RSPH4A: variants seen among roughly 807,000 people sequenced by gnomAD.
RSPH4A encodes the protein radial spoke head protein 4 homolog A.
RSPH4A carries 47 observed loss-of-function variants against 71.0 expected under a neutral mutation model. The ratio of observed to expected loss-of-function variants is 0.66; its 90% CI spans 0.52 to 0.84. RSPH4A has a LOEUF of 0.84. Ranked by LOEUF, RSPH4A falls within the 40% of genes least tolerant of loss-of-function variation. The pLI, the probability that RSPH4A is intolerant of heterozygous loss-of-function variation, is 0.00. For missense variants in RSPH4A, 793 were observed against 855.2 expected (o/e 0.93, Z 0.91); for synonymous variants, 282 against 302.3 (o/e 0.93, Z 0.70).
chr6:116,620,686 A>G (rs1271839760), intron 1 of RSPH4A, among the ~76,000 whole-genome samples: 1 of 152,222 alleles, frequency 6.6e-6, no homozygotes, highest in Non-Finnish European at 1.5e-5. Flanking sequence ...TGAATAAAGC[A>G]CATATATATA....
At chr6:116,630,139 TC>T (rs977133315) in intron 4 of RSPH4A, among the ~76,000 whole-genome samples, 3 of 152,198 alleles carry the variant, frequency 2.0e-5, no homozygotes, top group Admixed American at 2.0e-4. Flanking sequence ...GATGTACCTT[TC>T]ATTGGGCCAT....
Position 116,632,563 on chromosome 6 carries a change from C to A in RSPH4A, c.*122C>A. 1 of 1,234,468 alleles carries A rather than the reference C, an allele frequency of 8.1e-7. No homozygotes were observed. Among genetic ancestry groups the A allele is most frequent in the Non-Finnish European group, 1.1e-6 (1 of 900,770 alleles). 76.5% of individuals were successfully genotyped at this position (1,234,468 alleles called of 1,614,324 possible). A position where few individuals can be genotyped will look rare whatever the true frequency, so the allele number is the denominator to read the frequency against. On this transcript the variant is annotated 3_prime_UTR_variant, in exon 6 of 6. Transcript: ENST00000229554. ...CATACACATGTAAGAAATTATTCAA[C>A]TGCAAAATCTCAATCTTGAAAATCA...
intron 2 of RSPH4A, 95 bp downstream of exon 2, chr6:116,623,097 CTTGTT>C (rs3033963): frequency 2.1e-4 from 162 of 762,752 alleles, no homozygotes; most frequent in African/African-American, 7.3e-4. Context: ...TATTTTATAG[CTTGTT>C]TTGTTTTGTT....
At position 116,632,271 on chromosome 6, in the gene RSPH4A, G is replaced by A; in HGVS notation, c.1981G>A (p.Val661Ile). The A allele has an allele frequency of 6.2e-7, 1 of 1,612,814 alleles. No homozygotes were observed. The highest frequency in any genetic ancestry group is 8.5e-7 in the Non-Finnish European group (1 of 1,179,906). ...TAGTCCAGACAATTATACACCCCCAGTTCCACCACCAGTTTATCAAGAATA... is the reference window on the plus strand; with the variant it reads ...TAGTCCAGACAATTATACACCCCCAATTCCACCACCAGTTTATCAAGAATA... ...KYSPDNYTPP[V>I]PPPVYQEYPS... Residue 661 changes from valine to isoleucine, a missense_variant, in exon 6 of 6, where the codon GTT becomes ATT. By Grantham distance (29) the Val-to-Ile change is conservative. Coordinates refer to ENST00000229554, the MANE Select transcript of RSPH4A (RefSeq NM_001010892.3).
chr6:116,625,535 C>T (rs1775680201), intron 2 of RSPH4A, among the ~76,000 whole-genome samples: 1 of 150,666 alleles, frequency 6.6e-6, no homozygotes, highest in Non-Finnish European at 1.5e-5. Flanking sequence ...TAACTCTGAT[C>T]ATAATATGAA....
chr6:116,624,370 A>G (rs1024030326), intron 2 of RSPH4A, among the ~76,000 whole-genome samples: 1 of 152,252 alleles, frequency 6.6e-6, no homozygotes, highest in Non-Finnish European at 1.5e-5. Context: ...ATTCTCATAC[A>G]GGAGTTAATC....
rs752693178 is a variant in RSPH4A, at chr6:116,629,564, C to G, written c.1663-3C>G. On this transcript the variant is annotated splice_region_variant and splice_polypyrimidine_tract_variant and intron_variant, in intron 3 of 5. Coordinates refer to ENST00000229554, the MANE Select transcript of RSPH4A (RefSeq NM_001010892.3). The stretch of plus-strand genomic sequence containing the variant: ...TACTAAATCTTGCAACATTCATTCC[C>G]AGGGTCGCTGTAATTGGTTCAACTC... The G allele has an allele frequency of 6.2e-7, 1 of 1,612,610 alleles. No homozygotes were observed. Among genetic ancestry groups the G allele is most frequent in the East Asian group, 2.2e-5 (1 of 44,840 alleles).
In RSPH4A at chr6:116,628,324, A is replaced by G; in HGVS notation, c.1617A>G (p.Glu539=). Residue 539 remains glutamate, a synonymous_variant, in exon 3 of 6, where the codon GAA becomes GAG. Transcript: ENST00000229554. ...FEGIQVIDLV[E]SLSNWVHHVQ... ...GCATCCAAGTGATTGATCTAGTAGA[A>G]TCCCTATCCAATTGGGTTCATCATG... The G allele has an allele frequency of 6.2e-7, 1 of 1,612,798 alleles. No homozygotes were observed. The highest frequency in any genetic ancestry group is 8.5e-7 in the Non-Finnish European group (1 of 1,179,702).
At position 116,628,477 on chromosome 6, in the gene RSPH4A, A is replaced by C. The variant is rs1775739194; in HGVS notation, c.1662+108A>C. 5.9e-6 allele frequency: 5 copies of C among 849,316 alleles called. No homozygotes were observed. The South Asian group carries it at 7.7e-5, about 13-fold the overall frequency. 52.6% of individuals were successfully genotyped at this position (849,316 alleles called of 1,614,324 possible). ...AAATAAAGGCCTTTGGACTCTATTT[A>C]ATAGGCAGGAAAAGAGATAATTAAA... On this transcript the variant is annotated intron_variant, in intron 3 of 5. Transcript: ENST00000229554.
chr6:116,616,861 T>C lies in RSPH4A; in HGVS notation c.238T>C (p.Ser80Pro). The C allele has an allele frequency of 6.2e-7, 1 of 1,614,042 alleles. No individual in the cohort carries two copies. The highest frequency in any genetic ancestry group is 8.5e-7 in the Non-Finnish European group (1 of 1,179,998). The change falls in exon 1 of 6, where the codon TCA becomes CCA. Residue 80 changes from serine to proline, a missense_variant. Ser to Pro is a moderately conservative substitution (Grantham distance 74). Coordinates refer to ENST00000229554, the MANE Select transcript of RSPH4A (RefSeq NM_001010892.3). Reference sequence around the variant, plus strand: ...GGGTGGCCCCGCGGGACCAGAAACATCATCACCTGCTCCTGTCTCTCCGCG... The same window carrying C: ...GGGTGGCCCCGCGGGACCAGAAACACCATCACCTGCTCCTGTCTCTCCGCG... ...PLGGPAGPET[S>P]SPAPVSPREP...
Position 116,616,749 on chromosome 6 carries a change from C to T in RSPH4A, c.126C>T (p.Pro42=). The T allele has an allele frequency of 6.2e-7, 1 of 1,614,160 alleles. No homozygotes were observed. The highest frequency in any genetic ancestry group is 1.6e-4 in the Middle Eastern group (1 of 6,062). Residue 42 remains proline, a synonymous_variant, in exon 1 of 6, where the codon CCC becomes CCT. Coordinates refer to ENST00000229554, the MANE Select transcript of RSPH4A (RefSeq NM_001010892.3). The stretch of plus-strand genomic sequence containing the variant: ...ATTCTGAGCCTGAGTCGTCTGAGCC[C>T]TTGGAGGCGAAGCAGGGGCCAGAAA... The part of the protein sequence containing the change: ...PQYSEPESSE[P]LEAKQGPETG...
At chr6:116,620,239 T>C (rs188388846) in intron 1 of RSPH4A, among the ~76,000 whole-genome samples, 1 of 152,374 alleles carries the variant, frequency 6.6e-6, no homozygotes, top group East Asian at 1.9e-4. Flanking sequence ...CATAAAATTT[T>C]CTTTATTGAA....
chr6:116,630,847 A>ATTTTTTTTTTTTT (rs10694358), intron 5 of RSPH4A, among the ~76,000 whole-genome samples: 9 of 87,604 alleles, frequency 1.0e-4, no homozygotes, highest in Non-Finnish European at 1.5e-4. Flanking sequence ...TAATTTTTGT[A>ATTTTTTTTTTTTT]TTTTTTTTTT....
In RSPH4A at chr6:116,632,759, G is replaced by A. The variant is rs923020570; in HGVS notation, c.*318G>A. On this transcript the variant is annotated 3_prime_UTR_variant, in exon 6 of 6. Coordinates refer to ENST00000229554, the MANE Select transcript of RSPH4A (RefSeq NM_001010892.3). Reference sequence around the variant, plus strand: ...AAGGGCTCAGGTTTCACATGGTCCAGGTGAGGTAAAACAATTAAAATAAAT... The same window carrying A: ...AAGGGCTCAGGTTTCACATGGTCCAAGTGAGGTAAAACAATTAAAATAAAT... 1 of 270,618 alleles carries A rather than the reference G, an allele frequency of 3.7e-6. No homozygotes were observed. The highest frequency in any genetic ancestry group is 7.1e-6 in the Non-Finnish European group (1 of 139,932). 16.8% of individuals were successfully genotyped at this position (270,618 alleles called of 1,614,324 possible). A position where few individuals can be genotyped will look rare whatever the true frequency, so the allele number is the denominator to read the frequency against.
chr6:116,621,451 G>C (rs1469854399), intron 1 of RSPH4A, among the ~76,000 whole-genome samples: 1 of 152,086 alleles, frequency 6.6e-6, no homozygotes, highest in Non-Finnish European at 1.5e-5. Flanking sequence ...TTGAACAACT[G>C]TTTATTTTGT....
At position 116,627,827 on chromosome 6, in the gene RSPH4A, C is replaced by T. The variant is rs768193419; in HGVS notation, c.1120C>T (p.Arg374Cys). ...TTATATTGTAGCTGAAGTGGAATTT[C>T]GTGAGGGGGAAGATGAAGAGGAAGT... ...MNYIVAEVEF[R>C]EGEDEEEVEE... Residue 374 changes from arginine (R) to cysteine (C), a missense_variant, in exon 3 of 6, where the codon CGT becomes TGT. Coordinates refer to ENST00000229554, the MANE Select transcript of RSPH4A (RefSeq NM_001010892.3). The T allele has an allele frequency of 2.5e-5, 41 of 1,613,766 alleles. No individual in the cohort carries two copies. The highest frequency in any genetic ancestry group is 3.3e-5 in the Admixed American group (2 of 59,976).
Position 116,617,327 on chromosome 6 carries a change from A to G in RSPH4A, c.686+18A>G. ...TTTAATCTGTAAGTCTCAGAGGGAA[A>G]AAAGATAAATGTTTGGCAAAGCAAG... On this transcript the variant is annotated intron_variant, in intron 1 of 5. Transcript: ENST00000229554. 1 of 1,593,006 alleles carries G rather than the reference A, an allele frequency of 6.3e-7. No individual in the cohort carries two copies. The highest frequency in any genetic ancestry group is 8.6e-7 in the Non-Finnish European group (1 of 1,165,848).
rs1395177404 is a variant in RSPH4A at position 116,616,547 on chromosome 6, G to A, written c.-77G>A. The A allele has an allele frequency of 2.3e-6, 3 of 1,299,062 alleles. No homozygotes were observed. The highest frequency in any genetic ancestry group is 2.5e-5 in the East Asian group (1 of 39,956). The allele number at this position is 1,299,062 out of a possible 1,614,324, so 80.5% of individuals were successfully genotyped here. On this transcript the variant is annotated 5_prime_UTR_variant, in exon 1 of 6. Coordinates refer to ENST00000229554, the MANE Select transcript of RSPH4A (RefSeq NM_001010892.3). Reference sequence around the variant, plus strand: ...AAATCGCTTAAGAGACCGCGGCAAAGTAACTTAACTGAGTTGCCTTCTTCC... The same window carrying A: ...AAATCGCTTAAGAGACCGCGGCAAAATAACTTAACTGAGTTGCCTTCTTCC...
Position 116,632,656 on chromosome 6 carries a change from G to T in RSPH4A, c.*215G>T. 1 of 564,302 alleles carries T rather than the reference G, an allele frequency of 1.8e-6. No individual in the cohort carries two copies. The highest frequency in any genetic ancestry group is 3.0e-6 in the Non-Finnish European group (1 of 328,576). 35.0% of individuals were successfully genotyped at this position (564,302 alleles called of 1,614,324 possible). ...AAGATACTCACAGGATTTTCCAGAG[G>T]CTAAATAACATGCAATTGCATAATT... On this transcript the variant is annotated 3_prime_UTR_variant, in exon 6 of 6. Transcript: ENST00000229554.
Sources: allele counts gnomAD v4.1 joint callset (sites outside exome capture counted in the v4.1 genomes callset), GRCh38; gene constraint gnomAD v4.1.1; transcripts MANE v1.5; gene names NCBI Gene and HGNC (gene_info 2026-07-23, HGNC 2026-07-21).